SYNE2: variants seen among roughly 807,000 people sequenced by gnomAD.
The protein encoded by SYNE2 is nesprin-2.
A neutral mutation model predicts 856.3 loss-of-function variants in SYNE2; 431 were observed. The ratio of observed to expected loss-of-function variants is 0.50; its 90% CI spans 0.47 to 0.55. The LOEUF (loss-of-function observed/expected upper bound fraction) is 0.55, where lower values mean the gene tolerates loss of function less well. SYNE2 is among the 20% of genes least tolerant of loss of function. SYNE2 has a pLI of 0.00. For missense variants in SYNE2, 8,129 were observed against 8,023.2 expected (o/e 1.01, Z -0.50); for synonymous variants, 2,923 against 2,872.3 (o/e 1.02, Z -0.56).
chr14:63,973,165 A>G (rs1266798135), intron 11 of SYNE2, among the ~76,000 whole-genome samples: 1 of 152,194 alleles, frequency 6.6e-6, no homozygotes, highest in Non-Finnish European at 1.5e-5. Context: ...CTGTCAGGAG[A>G]ATCGCTTGCA....
At chr14:63,937,393 AGAGGTAG>A (rs1036776634) in intron 2 of SYNE2, among the ~76,000 whole-genome samples, 4 of 152,198 alleles carry the variant, frequency 2.6e-5, no homozygotes, top group African/African-American at 9.7e-5. Flanking sequence ...ATGATACGGA[AGAGGTAG>A]GAACAGAATG....
chr14:63,935,764 A>G (rs1399234911), intron 2 of SYNE2, among the ~76,000 whole-genome samples: 2 of 152,216 alleles, frequency 1.3e-5, no homozygotes, highest in South Asian at 2.1e-4. Context: ...TTGTAATTCC[A>G]GCGCTTCGGG....
At chr14:64,039,210 T>C (rs7153785) in intron 45 of SYNE2, among the ~76,000 whole-genome samples, 1,693 of 152,356 alleles carry the variant, frequency 0.011, 31 homozygotes, top group African/African-American at 0.038. Context: ...AGAGCTGGTA[T>C]GACACTCTGC....
chr14:63,950,040 A>T, intron 7 of SYNE2, 34 bp downstream of exon 7: 2 of 1,611,590 alleles, frequency 1.2e-6, no homozygotes. Context: ...AGAGACACAC[A>T]GGGCAGCTGT....
At chr14:63,915,380 C>T (rs1024249445) in intron 2 of SYNE2, among the ~76,000 whole-genome samples, 1 of 152,114 alleles carries the variant, frequency 6.6e-6, no homozygotes, top group African/African-American at 2.4e-5. Context: ...TATTTTTTAA[C>T]AAGTAAGTAT....
chr14:63,787,953 G>A (rs565974862), intron 1 of SYNE2, among the ~76,000 whole-genome samples: 25 of 152,290 alleles, frequency 1.6e-4, no homozygotes, highest in Non-Finnish European at 3.7e-4. Context: ...TCACCAAGGG[G>A]CTTCTGCAGG....
chr14:63,824,803 T>G (rs1184973295), intron 1 of SYNE2, among the ~76,000 whole-genome samples: 1 of 152,092 alleles, frequency 6.6e-6, no homozygotes, highest in Non-Finnish European at 1.5e-5. Context: ...ACACCCACTA[T>G]GCACCCACAA....
At chr14:63,840,301 A>G (rs904919980) in intron 1 of SYNE2, among the ~76,000 whole-genome samples, 2 of 152,158 alleles carry the variant, frequency 1.3e-5, no homozygotes, top group African/African-American at 2.4e-5. Context: ...GTCTTTTTCA[A>G]GTAACTGCTC....
intron 1 of SYNE2, among the ~76,000 whole-genome samples, chr14:63,887,271 C>T (rs992623676): frequency 2.6e-5 from 4 of 151,020 alleles, no homozygotes; most frequent in African/African-American, 9.8e-5. Context: ...CAGAGTGAGA[C>T]TCCATCTCAA....
chr14:63,996,232 T>G (rs1054571338), intron 23 of SYNE2, among the ~76,000 whole-genome samples: 3 of 152,232 alleles, frequency 2.0e-5, no homozygotes, highest in African/African-American at 7.2e-5. Context: ...TTAAATCTGT[T>G]GCCAAGCCCC....
chr14:64,190,270 G>A, intron 99 of SYNE2, 33 bp downstream of exon 99: 2 of 1,613,002 alleles, frequency 1.2e-6, no homozygotes, highest in South Asian at 2.2e-5. Flanking sequence ...TTACTCTCCA[G>A]GAACAGTAAT....
intron 1 of SYNE2, among the ~76,000 whole-genome samples, chr14:63,892,944 A>G (rs906564289): frequency 6.6e-6 from 1 of 152,074 alleles, no homozygotes; most frequent in Non-Finnish European, 1.5e-5. Flanking sequence ...CAACAAATAC[A>G]TATAAGATCA....
At chr14:63,983,064 A>G (rs1195509193) in intron 17 of SYNE2, among the ~76,000 whole-genome samples, 1 of 152,226 alleles carries the variant, frequency 6.6e-6, no homozygotes, top group Non-Finnish European at 1.5e-5. Context: ...TCACATAATG[A>G]AATCATATAA....
chr14:63,809,003 A>G (rs1195394251), intron 1 of SYNE2, among the ~76,000 whole-genome samples: 2 of 152,182 alleles, frequency 1.3e-5, no homozygotes, highest in Non-Finnish European at 2.9e-5. Flanking sequence ...AGCCTGGGTG[A>G]CAACAGTGAG....
chr14:63,827,048 C>T (rs1184850951), intron 1 of SYNE2, among the ~76,000 whole-genome samples: 2 of 151,812 alleles, frequency 1.3e-5, no homozygotes, highest in African/African-American at 4.8e-5. Flanking sequence ...GAGGCTGAGG[C>T]GGGTGGATCA....
chr14:63,883,331 T>C (rs8022779), intron 1 of SYNE2, among the ~76,000 whole-genome samples: 6,978 of 152,054 alleles, frequency 0.046, 195 homozygotes, highest in South Asian at 0.11. Flanking sequence ...AGTGCTAGGA[T>C]TACAGGCGTG....
chr14:64,145,628 CACAG>C (rs2098178006), intron 83 of SYNE2, among the ~76,000 whole-genome samples: 2 of 151,742 alleles, frequency 1.3e-5, no homozygotes, highest in South Asian at 2.1e-4. Flanking sequence ...GAATGAGAAT[CACAG>C]ACATTAAAGA....
In SYNE2 at chr14:63,954,715, A is replaced by G. The variant is rs2096218833; in HGVS notation, c.591-4A>G. 6.2e-7 allele frequency: 1 copy of G among 1,613,594 alleles called. No homozygotes were observed. The highest frequency in any genetic ancestry group is 1.3e-5 in the African/African-American group (1 of 74,872). On this transcript the variant is annotated splice_region_variant and splice_polypyrimidine_tract_variant and intron_variant, in intron 7 of 115. Transcript: ENST00000555002. ...TTTGTCATGTTTTTGTCTTTTTATG[A>G]TAGCTATGAGTCTGTCAATGTGACC...
intron 1 of SYNE2, among the ~76,000 whole-genome samples, chr14:63,804,674 G>A (rs1375011948): frequency 6.6e-6 from 1 of 152,042 alleles, no homozygotes; most frequent in Non-Finnish European, 1.5e-5. Flanking sequence ...TGTATTCTTA[G>A]TAGAGATGGG....
Sources: gnomAD v4.1 joint callset for allele counts (sites outside exome capture counted in the v4.1 genomes callset) on GRCh38, gnomAD v4.1.1 for gene constraint, MANE v1.5 for transcripts, NCBI Gene and HGNC (gene_info 2026-07-23, HGNC 2026-07-21) for gene names.